LRRTM4: variants seen among roughly 807,000 people sequenced by gnomAD.
LRRTM4 encodes the protein leucine rich repeat transmembrane neuronal 4, also known as leucine-rich repeat transmembrane neuronal protein 4.
In LRRTM4, 25 loss-of-function variants were observed where a neutral mutation model predicts 47.6. The ratio of observed to expected loss-of-function variants is 0.53; its 90% CI spans 0.38 to 0.73. The LOEUF (loss-of-function observed/expected upper bound fraction) is 0.73, where lower values mean the gene tolerates loss of function less well. Among genes scored for constraint, LRRTM4 ranks in the 30% least tolerant of loss-of-function variants. The probability of loss-of-function intolerance (pLI) is 0.00; values close to 1 mark genes in which losing one functional copy is unlikely to be tolerated. For synonymous variants in LRRTM4, 311 were observed against 269.5 expected (o/e 1.15, Z -1.51); for missense variants, 638 against 713.4 (o/e 0.89, Z 1.20).
chr2:76,819,531 A>G (rs1670996126), intron 3 of LRRTM4, among the ~76,000 whole-genome samples: 1 of 151,912 alleles, frequency 6.6e-6, no homozygotes, highest in Non-Finnish European at 1.5e-5. Flanking sequence ...TGATAGGTGA[A>G]GTACTTAATA....
chr2:77,337,859 A>G (rs1406015799), intron 3 of LRRTM4, among the ~76,000 whole-genome samples: 3 of 152,218 alleles, frequency 2.0e-5, no homozygotes, highest in Non-Finnish European at 2.9e-5. Flanking sequence ...AAACTATACT[A>G]CAAGGCAAAA....
intron 3 of LRRTM4, among the ~76,000 whole-genome samples, chr2:76,836,072 A>G (rs906744102): frequency 1.3e-5 from 2 of 151,948 alleles, no homozygotes; most frequent in African/African-American, 4.8e-5. Flanking sequence ...CAAAATAATC[A>G]GAATACCAAT....
intron 3 of LRRTM4, among the ~76,000 whole-genome samples, chr2:77,478,290 A>T (rs957726288): frequency 6.6e-6 from 1 of 152,210 alleles, no homozygotes; most frequent in Admixed American, 6.5e-5. Context: ...TTAAGATAAA[A>T]ATGTTATTTT....
intron 3 of LRRTM4, among the ~76,000 whole-genome samples, chr2:77,068,060 T>C (rs748470967): frequency 1.3e-5 from 2 of 152,198 alleles, no homozygotes; most frequent in Non-Finnish European, 2.9e-5. Flanking sequence ...AATCAAATGA[T>C]ATAAATACTA....
chr2:77,462,942 C>T (rs893344518), intron 3 of LRRTM4, among the ~76,000 whole-genome samples: 1 of 151,736 alleles, frequency 6.6e-6, no homozygotes, highest in Non-Finnish European at 1.5e-5. Flanking sequence ...GAAAGTTACA[C>T]AGAAGAAATG....
chr2:76,882,045 G>T (rs1461515726), intron 3 of LRRTM4, among the ~76,000 whole-genome samples: 1 of 152,070 alleles, frequency 6.6e-6, no homozygotes, highest in Non-Finnish European at 1.5e-5. Context: ...GTGTAAAATT[G>T]AATTCCTAGT....
intron 3 of LRRTM4, among the ~76,000 whole-genome samples, chr2:76,995,642 T>C (rs1316520286): frequency 1.3e-5 from 2 of 152,028 alleles, no homozygotes; most frequent in Non-Finnish European, 2.9e-5. Flanking sequence ...TTGCCTAGTG[T>C]TGCTACCTAG....
chr2:77,364,433 G>A (rs944186532), intron 3 of LRRTM4, among the ~76,000 whole-genome samples: 1 of 152,088 alleles, frequency 6.6e-6, no homozygotes, highest in Non-Finnish European at 1.5e-5. Flanking sequence ...ACCAGCAGAG[G>A]ACTAAATGCT....
chr2:77,024,216 C>T (rs1430207884), intron 3 of LRRTM4, among the ~76,000 whole-genome samples: 9 of 152,128 alleles, frequency 5.9e-5, no homozygotes, highest in Non-Finnish European at 1.0e-4. Flanking sequence ...GAATACAATT[C>T]CAAATGAGAT....
intron 3 of LRRTM4, among the ~76,000 whole-genome samples, chr2:76,996,112 T>G (rs185044482): frequency 1.3e-5 from 2 of 151,894 alleles, no homozygotes; most frequent in Admixed American, 1.3e-4. Context: ...CAGGAATGAG[T>G]TGACATGCAA....
chr2:77,216,792 G>T (rs577026067), intron 3 of LRRTM4, among the ~76,000 whole-genome samples: 1 of 151,670 alleles, frequency 6.6e-6, no homozygotes, highest in Admixed American at 6.6e-5. Flanking sequence ...TTTTGAAAAG[G>T]CTGGGCGCGG....
intron 3 of LRRTM4, among the ~76,000 whole-genome samples, chr2:76,817,206 T>C (rs952815045): frequency 1.3e-5 from 2 of 151,766 alleles, no homozygotes; most frequent in East Asian, 1.9e-4. Flanking sequence ...GTGCATGCAG[T>C]TGTTTTTAGT....
intron 3 of LRRTM4, among the ~76,000 whole-genome samples, chr2:77,438,438 G>T (rs1259998066): frequency 8.2e-6 from 1 of 122,082 alleles, no homozygotes; most frequent in Non-Finnish European, 1.6e-5. Context: ...ATGGAGTCTC[G>T]CTCTGTCGCC....
intron 3 of LRRTM4, among the ~76,000 whole-genome samples, chr2:77,425,782 AAT>A (rs1194898065): frequency 1.1e-4 from 17 of 152,050 alleles, no homozygotes; most frequent in Admixed American, 3.3e-4. Context: ...CTCCTCATGT[AAT>A]AGAACCTGTT....
chr2:77,246,048 T>C (rs1675437408), intron 3 of LRRTM4, among the ~76,000 whole-genome samples: 1 of 152,200 alleles, frequency 6.6e-6, no homozygotes, highest in African/African-American at 2.4e-5. Context: ...TCTCTGGGTT[T>C]TTCTGATCCC....
chr2:76,994,768 C>A (rs940953647), intron 3 of LRRTM4, among the ~76,000 whole-genome samples: 1 of 151,770 alleles, frequency 6.6e-6, no homozygotes, highest in Non-Finnish European at 1.5e-5. Flanking sequence ...AAAGGAAATC[C>A]AGCAAATAAT....
At chr2:76,912,661 A>G (rs1249219870) in intron 3 of LRRTM4, among the ~76,000 whole-genome samples, 2 of 152,186 alleles carry the variant, frequency 1.3e-5, no homozygotes, top group Non-Finnish European at 2.9e-5. Context: ...AAGAATTGTA[A>G]TCCCCATTGC....
In LRRTM4 at chr2:76,797,835, A is replaced by G. The variant is rs557902048; in HGVS notation, c.1552-48919T>C. Among the ~76,000 whole-genome samples, 5 of 151,650 alleles carry G rather than the reference A, an allele frequency of 3.3e-5. No homozygotes were observed. In the East Asian group the frequency reaches 7.7e-4, roughly 23 times the overall value. ...GCAATCCTAGTCTCTGATAAAACAGACTTTAAACCAACAAAGATCAAAAGA... is the reference window on the plus strand; with the variant it reads ...GCAATCCTAGTCTCTGATAAAACAGGCTTTAAACCAACAAAGATCAAAAGA... On this transcript the variant is annotated intron_variant, in intron 3 of 3. Transcript: ENST00000409884.
chr2:77,071,503 T>C (rs1680154425), intron 3 of LRRTM4, among the ~76,000 whole-genome samples: 1 of 152,176 alleles, frequency 6.6e-6, no homozygotes, highest in African/African-American at 2.4e-5. Context: ...TGAAATTTAC[T>C]AAATTAGAAT....
Sources: gnomAD v4.1 joint callset for allele counts (sites outside exome capture counted in the v4.1 genomes callset) on GRCh38, gnomAD v4.1.1 for gene constraint, MANE v1.5 for transcripts, NCBI Gene and HGNC (gene_info 2026-07-23, HGNC 2026-07-21) for gene names.